The following RHOU variants were observed in gnomAD, a reference collection of about 807,000 sequenced individuals.
The protein encoded by RHOU is ras homolog family member U.
In RHOU, 8 loss-of-function variants were observed where a neutral mutation model predicts 12.6. The observed-to-expected ratio is 0.64, with a 90% CI of 0.37 to 1.15. RHOU has a LOEUF of 1.15. RHOU is among the 50% of genes most tolerant of loss of function. The pLI is 0.01. For synonymous variants in RHOU, 161 were observed against 147.4 expected, an observed-to-expected ratio of 1.09 and a Z score of -0.67; for missense variants, 258 against 347.0, an observed-to-expected ratio of 0.74 and a Z score of 2.04.
upstream of RHOU, among the ~76,000 whole-genome samples, chr1:228,732,003 G>A (rs1225203497): frequency 1.3e-5 from 2 of 152,166 alleles, no homozygotes; most frequent in South Asian, 2.1e-4. Context: ...ATAGCTGCAA[G>A]AAGTGGTCAA....
At chr1:228,678,880 C>T in the RHOU span, among the ~76,000 whole-genome samples, 7 of 152,012 alleles carry the variant, frequency 4.6e-5, no homozygotes, top group Non-Finnish European at 8.8e-5. Context: ...GTGGCAGCCA[C>T]CCCACGCAGA....
At chr1:228,650,316 G>A in the RHOU span, 2 of 464,524 alleles carry the variant, frequency 4.3e-6, no homozygotes, top group Admixed American at 2.3e-5. Flanking sequence ...GCTGGATGGT[G>A]CTTGGCTGCC....
At chr1:228,660,395 AT>A in the RHOU span, among the ~76,000 whole-genome samples, 23 of 152,040 alleles carry the variant, frequency 1.5e-4, no homozygotes, top group African/African-American at 5.5e-4. Context: ...TCTATCAAAT[AT>A]TTAGATAACT....
At chr1:228,720,009 T>C in the RHOU span, among the ~76,000 whole-genome samples, 8 of 152,144 alleles carry the variant, frequency 5.3e-5, no homozygotes, top group Admixed American at 1.3e-4. Flanking sequence ...ACATTTATAT[T>C]TGGTCTCACA....
the RHOU span, among the ~76,000 whole-genome samples, chr1:228,683,870 T>G: frequency 6.6e-6 from 1 of 152,166 alleles, no homozygotes; most frequent in Admixed American, 6.5e-5. Flanking sequence ...CTGTGCAGCA[T>G]GGGAGGGAGA....
At chr1:228,670,452 A>G in the RHOU span, among the ~76,000 whole-genome samples, 4 of 152,254 alleles carry the variant, frequency 2.6e-5, no homozygotes, top group South Asian at 2.1e-4. Flanking sequence ...GAATGTCCCA[A>G]TGGAAAATAA....
chr1:228,681,619 G>A, the RHOU span, among the ~76,000 whole-genome samples: 17 of 152,140 alleles, frequency 1.1e-4, no homozygotes, highest in African/African-American at 3.9e-4. Flanking sequence ...TCTAGGTCTC[G>A]TGGGATGGAG....
the RHOU span, chr1:228,651,282 A>G: frequency 5.6e-6 from 1 of 178,846 alleles, no homozygotes; most frequent in East Asian, 1.8e-4. Context: ...AAGGGTGTCT[A>G]CTGCACATTC....
In RHOU at chr1:228,743,945, T is replaced by C. The variant is rs1254281351; in HGVS notation, c.*205T>C. ...TTAGGGATGAGATACTTATGCAAGA[T>C]ATTTTTGAAGTAAATTAAACATTTT... On this transcript the variant is annotated 3_prime_UTR_variant, in exon 3 of 3. Coordinates refer to ENST00000366691, the MANE Select transcript of RHOU (RefSeq NM_021205.6). The surrounding 1 kb of genome is among the most constrained non-coding windows in gnomAD (Gnocchi z 5.1). 2.7e-5 allele frequency: 14 copies of C among 521,402 alleles called. No homozygotes were observed. Among genetic ancestry groups the C allele is most frequent in the Admixed American group, 1.5e-4 (4 of 26,980 alleles). 32.3% of individuals were successfully genotyped at this position (521,402 alleles called of 1,614,324 possible). A position where few individuals can be genotyped will look rare whatever the true frequency, so the allele number is the denominator to read the frequency against.
the RHOU span, among the ~76,000 whole-genome samples, chr1:228,712,790 C>T: frequency 6.7e-6 from 1 of 148,958 alleles, no homozygotes; most frequent in Admixed American, 6.8e-5. Context: ...TGCACATGTA[C>T]CCTAAAACTT....
In RHOU at chr1:228,735,713, C is replaced by G; in HGVS notation, c.-30C>G. The G allele has an allele frequency of 1.7e-6, 2 of 1,199,610 alleles. No individual in the cohort carries two copies. Among genetic ancestry groups the G allele is most frequent in the Non-Finnish European group, 2.1e-6 (2 of 967,476 alleles). 74.3% of individuals were successfully genotyped at this position (1,199,610 alleles called of 1,614,324 possible). On this transcript the variant is annotated 5_prime_UTR_variant, in exon 1 of 3. Coordinates refer to ENST00000366691, the MANE Select transcript of RHOU (RefSeq NM_021205.6). The surrounding 1 kb of genome is among the most constrained non-coding windows in gnomAD (Gnocchi z 8.1). ...GGCGGTCGGGCCGGGCCCTGCTAGC[C>G]CGCGACCGCAAGCCCGCGCTCGCGG...
the RHOU span, among the ~76,000 whole-genome samples, chr1:228,718,529 AGT>A: frequency 2.6e-5 from 4 of 152,178 alleles, no homozygotes; most frequent in Admixed American, 2.6e-4. Flanking sequence ...AGTCTAGAAG[AGT>A]GTAGAAAAAG....
chr1:228,728,336 T>G, the RHOU span, among the ~76,000 whole-genome samples: 6 of 152,204 alleles, frequency 3.9e-5, no homozygotes, highest in Non-Finnish European at 5.9e-5. Flanking sequence ...CCAGAACTGA[T>G]GCATATAAAT....
the RHOU span, among the ~76,000 whole-genome samples, chr1:228,703,292 C>T: frequency 5.3e-5 from 8 of 151,948 alleles, no homozygotes; most frequent in Non-Finnish European, 7.4e-5. Context: ...TTTGGGAGGC[C>T]GAGGCGCGCG....
intron 2 of RHOU, among the ~76,000 whole-genome samples, chr1:228,742,094 G>A (rs910380212): frequency 8.5e-5 from 13 of 152,166 alleles, no homozygotes; most frequent in South Asian, 4.1e-4. Flanking sequence ...CATGAATGGC[G>A]TTGAACTTTT....
chr1:228,715,604 GA>G, the RHOU span, among the ~76,000 whole-genome samples: 1 of 152,202 alleles, frequency 6.6e-6, no homozygotes, highest in Non-Finnish European at 1.5e-5. Flanking sequence ...ACCTTGAGAA[GA>G]AATTGTATTT....
At chr1:228,715,403 A>G in the RHOU span, among the ~76,000 whole-genome samples, 7 of 152,192 alleles carry the variant, frequency 4.6e-5, no homozygotes, top group East Asian at 1.3e-3. Context: ...TTACATTTCT[A>G]GGTGAAATGG....
At chr1:228,723,995 T>C in the RHOU span, among the ~76,000 whole-genome samples, 1 of 152,166 alleles carries the variant, frequency 6.6e-6, no homozygotes. Context: ...AAGTCTTTGC[T>C]CAAATATGGC....
the RHOU span, among the ~76,000 whole-genome samples, chr1:228,656,566 A>G: frequency 4.6e-5 from 7 of 151,982 alleles, no homozygotes; most frequent in Admixed American, 4.6e-4. Context: ...TGGAGCTTTA[A>G]AAAAAAAGAG....
Sources: gnomAD v4.1 joint callset for allele counts (sites outside exome capture counted in the v4.1 genomes callset) on GRCh38, gnomAD v4.1.1 for gene constraint, Gnocchi (gnomAD v3.1) non-coding constraint, MANE v1.5 for transcripts, NCBI Gene and HGNC (gene_info 2026-07-23, HGNC 2026-07-21) for gene names.